Variants in ACVR1C observed in about 807,000 individuals in gnomAD.
ACVR1C encodes activin A receptor type 1C, also known as activin receptor type-1C.
A neutral mutation model predicts 57.9 loss-of-function variants in ACVR1C; 23 were observed. The ratio of observed to expected loss-of-function variants is 0.40; its 90% CI spans 0.29 to 0.56. The LOEUF (loss-of-function observed/expected upper bound fraction) is 0.56, where lower values mean the gene tolerates loss of function less well. Ranked by LOEUF, ACVR1C falls within the 20% of genes least tolerant of loss-of-function variation. The pLI is 0.50. For missense variants in ACVR1C, 480 were observed against 607.9 expected (o/e 0.79, Z 2.21); for synonymous variants, 214 against 215.3 (o/e 0.99, Z 0.05).
chr2:157,558,259 A>G (rs1451477942), intron 2 of ACVR1C, among the ~76,000 whole-genome samples: 1 of 152,226 alleles, frequency 6.6e-6, no homozygotes, highest in Non-Finnish European at 1.5e-5. Flanking sequence ...GGAAAGCAAT[A>G]GCTTGACACC....
At chr2:157,612,250 C>G (rs1294337519) in intron 1 of ACVR1C, among the ~76,000 whole-genome samples, 1 of 152,150 alleles carries the variant, frequency 6.6e-6, no homozygotes, top group African/African-American at 2.4e-5. Flanking sequence ...GGGAGGGACC[C>G]TGCCCTCCTT....
intron 4 of ACVR1C, among the ~76,000 whole-genome samples, chr2:157,548,490 A>G (rs1325704886): frequency 6.6e-6 from 1 of 151,818 alleles, no homozygotes; most frequent in Non-Finnish European, 1.5e-5. Context: ...AAGCCAAAAG[A>G]CCAAAGCTGG....
rs868536054 is a variant in ACVR1C, at chr2:157,562,153, G to A, written c.305-5821C>T. Among the ~76,000 whole-genome samples, 40 of 151,820 alleles carry A rather than the reference G, an allele frequency of 2.6e-4. No homozygotes were observed. In the South Asian group the frequency reaches 4.0e-3, roughly 15 times the overall value. On this transcript the variant is annotated intron_variant, in intron 2 of 8. Transcript: ENST00000243349. ...CTACGAAAAATACAAAAAATTAGCC[G>A]GGCATGGTGGCGCGTGCCTCTAGTC...
rs1334071560 is a variant in ACVR1C at position 157,532,187 on chromosome 2, A to G, written c.*1731T>C. On this transcript the variant is annotated 3_prime_UTR_variant, in exon 9 of 9. Coordinates refer to ENST00000243349, the MANE Select transcript of ACVR1C (RefSeq NM_145259.3). The stretch of plus-strand genomic sequence containing the variant: ...AAGCATAATCACTAAATTGTACTCT[A>G]TGAGAAAATACAGAAGTATATCCTT... The G allele has an allele frequency of 1.3e-5, 2 of 152,104 alleles. No individual in the cohort carries two copies. Among genetic ancestry groups the G allele is most frequent in the Non-Finnish European group, 2.9e-5 (2 of 67,996 alleles). 9.4% of individuals were successfully genotyped at this position (152,104 alleles called of 1,614,324 possible).
At chr2:157,601,568 TCTTGC>T (rs1682282584) in intron 1 of ACVR1C, among the ~76,000 whole-genome samples, 1 of 152,136 alleles carries the variant, frequency 6.6e-6, no homozygotes, top group Non-Finnish European at 1.5e-5. Flanking sequence ...GTCATCTGAG[TCTTGC>T]TGCTTCTTTG....
At chr2:157,612,319 C>T (rs1682553235) in intron 1 of ACVR1C, among the ~76,000 whole-genome samples, 1 of 152,160 alleles carries the variant, frequency 6.6e-6, no homozygotes, top group Admixed American at 6.5e-5. Context: ...CACTCACAGC[C>T]CCAGACAGCC....
chr2:157,540,620 G>C (rs1001549975), intron 7 of ACVR1C, among the ~76,000 whole-genome samples: 3 of 152,048 alleles, frequency 2.0e-5, no homozygotes, highest in African/African-American at 7.3e-5. Flanking sequence ...TAAACTACTG[G>C]GAGCAGTAAA....
intron 1 of ACVR1C, among the ~76,000 whole-genome samples, chr2:157,624,057 T>A (rs1474918705): frequency 6.6e-6 from 1 of 152,192 alleles, no homozygotes; most frequent in African/African-American, 2.4e-5. Context: ...TATGTCAACA[T>A]AATCTGAGCT....
intron 1 of ACVR1C, among the ~76,000 whole-genome samples, chr2:157,626,471 C>G (rs1022137059): frequency 4.6e-5 from 7 of 152,204 alleles, no homozygotes; most frequent in Non-Finnish European, 5.9e-5. Context: ...CTCTGCAGAT[C>G]CAGATGAAAG....
At chr2:157,605,620 AT>A (rs1234891152) in intron 1 of ACVR1C, among the ~76,000 whole-genome samples, 1 of 151,598 alleles carries the variant, frequency 6.6e-6, no homozygotes, top group Non-Finnish European at 1.5e-5. Context: ...ATGGCATAAT[AT>A]TTGCTTATAA....
chr2:157,554,084 C>G (rs1456276468), intron 3 of ACVR1C, among the ~76,000 whole-genome samples: 2 of 149,384 alleles, frequency 1.3e-5, no homozygotes, highest in South Asian at 2.1e-4. Flanking sequence ...TTAGGAGGCT[C>G]AGGTAGGAGA....
intron 1 of ACVR1C, among the ~76,000 whole-genome samples, chr2:157,612,984 A>C (rs867473619): frequency 6.6e-6 from 1 of 152,182 alleles, no homozygotes; most frequent in Non-Finnish European, 1.5e-5. Flanking sequence ...TGTCTAGTGT[A>C]ATGTTCCCGC....
chr2:157,533,931 T>A lies in ACVR1C; in HGVS notation c.1469A>T (p.Asp490Val). Residue 490 changes from aspartate to valine, a missense_variant, in exon 9 of 9, where the codon GAC becomes GTC. Transcript: ENST00000243349. ...KTISQLCVKE[D>V]CKA ...TAATTATCATCATTAGGCTTTGCAG[T>A]CTTCTTTGACACAAAGTTGAGATAT... is the stretch of plus-strand genomic sequence containing the variant. 6.3e-7 allele frequency: 1 copy of A among 1,579,898 alleles called. No homozygotes were observed. Among genetic ancestry groups the A allele is most frequent in the Admixed American group, 2.0e-5 (1 of 51,068 alleles).
intron 2 of ACVR1C, among the ~76,000 whole-genome samples, chr2:157,583,832 T>G (rs1024192558): frequency 6.6e-6 from 1 of 152,114 alleles, no homozygotes; most frequent in Non-Finnish European, 1.5e-5. Flanking sequence ...AAACTCCACC[T>G]TAACCTCACA....
chr2:157,544,551 A>G lies in ACVR1C; in HGVS notation c.837T>C (p.Tyr279=). 4.3e-6 allele frequency: 7 copies of G among 1,613,980 alleles called. No homozygotes were observed. The highest frequency in any genetic ancestry group is 5.9e-6 in the Non-Finnish European group (7 of 1,179,888). Residue 279 remains tyrosine (Y), a synonymous_variant, in exon 5 of 9, where the codon TAT becomes TAC. Coordinates refer to ENST00000243349, the MANE Select transcript of ACVR1C (RefSeq NM_145259.3). ...TCACTATATTTCTATTCAAATAGTCATATAAGGAGCCCTGTTCATGATATT... is the reference window on the plus strand; with the variant it reads ...TCACTATATTTCTATTCAAATAGTCGTATAAGGAGCCCTGTTCATGATATT... The part of the protein sequence containing the change: ...VSEYHEQGSL[Y]DYLNRNIVTV...
At chr2:157,542,964 GT>G in intron 5 of ACVR1C, 102 bp from the exon 6 acceptor site, 2 of 1,212,164 alleles carry the variant, frequency 1.6e-6, no homozygotes, top group Non-Finnish European at 2.3e-6. Flanking sequence ...TTCAAAAAGA[GT>G]TTTCTTCAAA....
chr2:157,538,726 A>T (rs1558968155), intron 7 of ACVR1C, 23 bp from the exon 8 acceptor site: 1 of 1,456,290 alleles, frequency 6.9e-7, no homozygotes, highest in Non-Finnish European at 9.1e-7. Context: ...TGTATAATAA[A>T]TTTCCATGTG....
intron 2 of ACVR1C, among the ~76,000 whole-genome samples, chr2:157,562,298 A>G (rs937697214): frequency 5.1e-5 from 6 of 118,688 alleles, no homozygotes; most frequent in Non-Finnish European, 1.1e-4. Context: ...CGTCTCAAAA[A>G]AAAAAAAATA....
At chr2:157,586,948 C>G (rs754483580) in intron 2 of ACVR1C, among the ~76,000 whole-genome samples, 1 of 152,084 alleles carries the variant, frequency 6.6e-6, no homozygotes, top group African/African-American at 2.4e-5. Context: ...AAATACAATT[C>G]ACGTGGACAA....
Sources: allele counts gnomAD v4.1 joint callset (sites outside exome capture counted in the v4.1 genomes callset), GRCh38; gene constraint gnomAD v4.1.1; transcripts MANE v1.5; gene names NCBI Gene and HGNC (gene_info 2026-07-23, HGNC 2026-07-21).